The following SEPTIN10 variants were observed in gnomAD, a reference collection of about 807,000 sequenced individuals.
The protein encoded by SEPTIN10 is septin-10.
SEPTIN10 carries 66 observed loss-of-function variants against 54.8 expected under a neutral mutation model. The ratio of observed to expected loss-of-function variants is 1.21; its 90% CI spans 0.99 to 1.48. The LOEUF (loss-of-function observed/expected upper bound fraction) is 1.48, where lower values mean the gene tolerates loss of function less well. Among genes scored for constraint, SEPTIN10 ranks in the 40% most tolerant of loss-of-function variants. SEPTIN10 has a pLI of 0.00. For synonymous variants in SEPTIN10, 161 were observed against 181.0 expected, an observed-to-expected ratio of 0.89 and a Z score of 0.89; for missense variants, 620 against 545.6, an observed-to-expected ratio of 1.14 and a Z score of -1.36.
chr2:109,557,430 A>G (rs1684633518), intron 8 of SEPTIN10, among the ~76,000 whole-genome samples: 1 of 152,214 alleles, frequency 6.6e-6, no homozygotes, highest in Non-Finnish European at 1.5e-5. Context: ...TAAGAAAACT[A>G]AAGCACAGAG....
intron 5 of SEPTIN10, 138 bp downstream of exon 5, chr2:109,574,443 T>TA (rs55980206): frequency 0.072 from 19,257 of 268,020 alleles, 442 homozygotes; most frequent in African/African-American, 0.16. Flanking sequence ...ACTTTATCTC[T>TA]AAAAAAAAAA....
intron 1 of SEPTIN10, among the ~76,000 whole-genome samples, chr2:109,603,889 C>T (rs1176049190): frequency 3.3e-5 from 5 of 151,872 alleles, no homozygotes; most frequent in Non-Finnish European, 5.9e-5. Context: ...AAGCCGGGCA[C>T]GGTGGCTCAC....
intron 10 of SEPTIN10, chr2:109,545,520 G>C (rs1015904327): frequency 1.3e-6 from 2 of 1,535,794 alleles, no homozygotes; most frequent in Non-Finnish European, 1.7e-6. Flanking sequence ...ATGCACAGGA[G>C]TTCGAATCGA....
intron 8 of SEPTIN10, among the ~76,000 whole-genome samples, chr2:109,557,182 T>C (rs745735590): frequency 6.6e-5 from 10 of 151,942 alleles, no homozygotes; most frequent in Non-Finnish European, 8.8e-5. Context: ...AAAAAAAATT[T>C]AAAAAAAATT....
chr2:109,548,715 G>T (rs944211545), intron 9 of SEPTIN10, among the ~76,000 whole-genome samples: 1 of 136,868 alleles, frequency 7.3e-6, no homozygotes, highest in Non-Finnish European at 1.5e-5. Context: ...GGCCGAGGTT[G>T]CAGTGAGCCG....
At position 109,585,286 on chromosome 2, in the gene SEPTIN10, T is replaced by C. The variant is rs773844806; in HGVS notation, c.253A>G (p.Thr85Ala). The C allele has an allele frequency of 2.5e-6, 4 of 1,607,944 alleles. No homozygotes were observed. In the Admixed American group the frequency reaches 5.1e-5, roughly 21 times the overall value. The change falls in exon 4 of 11, where the codon ACA (threonine) becomes GCA (alanine). Residue 85 changes from threonine (T) to alanine (A), a missense_variant. Transcript: ENST00000397712. Reference protein sequence around the residue: ...TGIGKSTLIDTLFNTNFEDYE... With the variant: ...TGIGKSTLIDALFNTNFEDYE... ...TCTTCAAAATTAGTATTAAACAATGTGTCAATCAGTGTTGATTTTCCAATT... is the reference window on the plus strand; with the variant it reads ...TCTTCAAAATTAGTATTAAACAATGCGTCAATCAGTGTTGATTTTCCAATT...
At chr2:109,589,317 G>C (rs1693398215) in intron 2 of SEPTIN10, among the ~76,000 whole-genome samples, 1 of 152,020 alleles carries the variant, frequency 6.6e-6, no homozygotes, top group Admixed American at 6.6e-5. Flanking sequence ...CAGGTTACTT[G>C]AGGCCAGGAG....
intron 10 of SEPTIN10, chr2:109,545,693 C>A: frequency 6.8e-7 from 1 of 1,462,166 alleles, no homozygotes; most frequent in South Asian, 1.4e-5. Flanking sequence ...TTCAAAATAA[C>A]TCATGGTAGG....
intron 1 of SEPTIN10, among the ~76,000 whole-genome samples, chr2:109,600,776 A>G (rs1000163412): frequency 1.1e-4 from 16 of 152,196 alleles, no homozygotes; most frequent in Admixed American, 2.6e-4. Context: ...ACCTCTGCTC[A>G]TCGCCAGCCC....
intron 8 of SEPTIN10, among the ~76,000 whole-genome samples, chr2:109,554,742 T>C (rs1683965059): frequency 6.6e-6 from 1 of 152,210 alleles, no homozygotes; most frequent in Non-Finnish European, 1.5e-5. Context: ...ACATCTCATG[T>C]TCAGCCTCAT....
chr2:109,556,647 T>C (rs980772594), intron 8 of SEPTIN10, among the ~76,000 whole-genome samples: 1 of 152,168 alleles, frequency 6.6e-6, no homozygotes, highest in Non-Finnish European at 1.5e-5. Flanking sequence ...CCTTTTTTTT[T>C]CTGTTGTGAT....
intron 4 of SEPTIN10, among the ~76,000 whole-genome samples, chr2:109,575,479 C>T (rs1025024653): frequency 1.3e-5 from 2 of 152,206 alleles, no homozygotes; most frequent in Admixed American, 6.5e-5. Flanking sequence ...ACTCAGGTAA[C>T]TCCTCCCTGG....
intron 1 of SEPTIN10, among the ~76,000 whole-genome samples, chr2:109,603,747 CAG>C (rs1697214906): frequency 6.6e-6 from 1 of 152,104 alleles, no homozygotes; most frequent in African/African-American, 2.4e-5. Context: ...AAGGCTTGAG[CAG>C]AGACTTGATG....
chr2:109,598,277 A>G (rs549070944), intron 1 of SEPTIN10, among the ~76,000 whole-genome samples: 46 of 152,034 alleles, frequency 3.0e-4, no homozygotes, highest in African/African-American at 1.1e-3. Context: ...CACGTTGGTT[A>G]GGCTAGTCTC....
chr2:109,586,409 T>C (rs1390573159), intron 2 of SEPTIN10, among the ~76,000 whole-genome samples: 1 of 151,038 alleles, frequency 6.6e-6, no homozygotes, highest in Non-Finnish European at 1.5e-5. Context: ...ATCTAGCTTT[T>C]TCCCTGAAGG....
Position 109,544,328 on chromosome 2 carries a change from G to A in SEPTIN10, c.1350-4C>T, listed in dbSNP as rs1470728706. ...TCTGTTTTACAAAAAATTGGAGCTG[G>A]AAAGAAAAAGAACCTTTTGATTGGT... On this transcript the variant is annotated splice_polypyrimidine_tract_variant and splice_region_variant and intron_variant, in intron 10 of 10. Coordinates refer to ENST00000397712, the MANE Select transcript of SEPTIN10 (RefSeq NM_144710.5). 1.3e-6 allele frequency: 2 copies of A among 1,577,462 alleles called. No individual in the cohort carries two copies. The highest frequency in any genetic ancestry group is 1.7e-6 in the Non-Finnish European group (2 of 1,168,802).
chr2:109,613,099 G>T, intron 1 of SEPTIN10: 4 of 1,016,776 alleles, frequency 3.9e-6, no homozygotes, highest in Non-Finnish European at 5.4e-6. Flanking sequence ...ACGGCGGTGA[G>T]ATCACTCCAT....
At chr2:109,603,070 CAAAAACAAAACAAA>C (rs576758374) in intron 1 of SEPTIN10, among the ~76,000 whole-genome samples, 111 of 151,298 alleles carry the variant, frequency 7.3e-4, no homozygotes, top group South Asian at 6.1e-3. Flanking sequence ...GGCCCTGTCT[CAAAAACAAAACAAA>C]AAAAACAAAA....
At chr2:109,552,745 G>A in intron 9 of SEPTIN10, 1 of 203,616 alleles carries the variant, frequency 4.9e-6, no homozygotes, top group Non-Finnish European at 9.9e-6. Context: ...GGTTGAATGA[G>A]GCACCTAAAA....
Sources: allele counts gnomAD v4.1 joint callset (sites outside exome capture counted in the v4.1 genomes callset), GRCh38; gene constraint gnomAD v4.1.1; transcripts MANE v1.5; gene names NCBI Gene and HGNC (gene_info 2026-07-23, HGNC 2026-07-21).